Variants in MEGF6 observed in about 807,000 individuals in gnomAD.
MEGF6 encodes the protein multiple epidermal growth factor-like domains protein 6.
MEGF6 carries 184 observed loss-of-function variants against 207.1 expected under a neutral mutation model. The ratio of observed to expected loss-of-function variants is 0.89; its 90% CI spans 0.79 to 1.00. The LOEUF (loss-of-function observed/expected upper bound fraction) is 1.00, where lower values mean the gene tolerates loss of function less well. MEGF6 is among the 50% of genes least tolerant of loss of function. The probability of loss-of-function intolerance (pLI) is 0.00; values close to 1 mark genes in which losing one functional copy is unlikely to be tolerated. For synonymous variants in MEGF6, 1,038 were observed against 910.0 expected, an observed-to-expected ratio of 1.14 and a Z score of -2.53; for missense variants, 2,282 against 2,202.9, an observed-to-expected ratio of 1.04 and a Z score of -0.72.
chr1:3,501,695 G>T lies in MEGF6; in HGVS notation c.2314+101C>A, dbSNP rs1640875485. The T allele has an allele frequency of 2.1e-6, 3 of 1,452,272 alleles. No individual in the cohort carries two copies. The Admixed American group carries it at 7.7e-5, about 37-fold the overall frequency. The allele number at this position is 1,452,272 out of a possible 1,614,324, so 90.0% of individuals were successfully genotyped here. On this transcript the variant is annotated intron_variant, in intron 18 of 36. Transcript: ENST00000356575. The stretch of plus-strand genomic sequence containing the variant: ...GAGCTCTCACACCTGCTATAGACGG[G>T]CCTGGGATCCGCAGGGCTGGGGCCC...
intron 5 of MEGF6, among the ~76,000 whole-genome samples, chr1:3,517,289 C>T (rs1641577899): frequency 6.6e-6 from 1 of 152,172 alleles, no homozygotes; most frequent in Non-Finnish European, 1.5e-5. Context: ...AAGAAAGAGG[C>T]TTCTCATCAC....
At chr1:3,550,197 G>C (rs1026602411) in intron 4 of MEGF6, among the ~76,000 whole-genome samples, 11 of 152,218 alleles carry the variant, frequency 7.2e-5, no homozygotes, top group African/African-American at 2.7e-4. Flanking sequence ...AAGATAAATA[G>C]AAACAGGGAC....
chr1:3,564,134 G>T (rs1014614084), intron 4 of MEGF6, among the ~76,000 whole-genome samples: 1 of 150,984 alleles, frequency 6.6e-6, no homozygotes, highest in Middle Eastern at 3.4e-3. Flanking sequence ...ACAGACTATG[G>T]CAGGGCTTTA....
At chr1:3,618,942 T>C in the MEGF6 span, among the ~76,000 whole-genome samples, 1 of 152,208 alleles carries the variant, frequency 6.6e-6, no homozygotes, top group South Asian at 2.1e-4. This position sits in a 1 kb window ranked among gnomAD's most constrained non-coding sequence, Gnocchi z 4.7. Flanking sequence ...CACAAACCCT[T>C]GGGCTGCCCT....
rs145413449 is a variant in MEGF6 at position 3,489,150 on chromosome 1, C to T, written c.*1378G>A. On this transcript the variant is annotated 3_prime_UTR_variant, in exon 37 of 37. Coordinates refer to ENST00000356575, the MANE Select transcript of MEGF6 (RefSeq NM_001409.4). Reference sequence around the variant, plus strand: ...CTGCTTCTGCATCCCCACCATCCTGCCCTCCCTTATCACTGTTCTACTTTA... The same window carrying T: ...CTGCTTCTGCATCCCCACCATCCTGTCCTCCCTTATCACTGTTCTACTTTA... Among the ~76,000 whole-genome samples, 1 of 152,316 alleles carries T rather than the reference C, an allele frequency of 6.6e-6. No individual in the cohort carries two copies. Among genetic ancestry groups the T allele is most frequent in the African/African-American group, 2.4e-5 (1 of 41,562 alleles).
At chr1:3,559,740 G>A (rs949962770) in intron 4 of MEGF6, among the ~76,000 whole-genome samples, 7 of 152,050 alleles carry the variant, frequency 4.6e-5, no homozygotes, top group East Asian at 1.9e-4. Context: ...GGCCGGGTAC[G>A]GTGGCTCAAG....
At chr1:3,591,297 G>A (rs4648527) in intron 3 of MEGF6, among the ~76,000 whole-genome samples, 132,199 of 152,178 alleles carry the variant, frequency 0.87, 57,645 homozygotes, top group Non-Finnish European at 0.91. Context: ...GAACCACCGA[G>A]CAGGGGGTAA....
At chr1:3,542,014 G>A (rs111818395) in intron 4 of MEGF6, among the ~76,000 whole-genome samples, 1,573 of 152,320 alleles carry the variant, frequency 0.01, 11 homozygotes, top group Middle Eastern at 0.017. Context: ...GTCCGGCACC[G>A]AGAAGGAAGA....
intron 2 of MEGF6, among the ~76,000 whole-genome samples, chr1:3,596,442 C>A (rs1055617256): frequency 7.1e-6 from 1 of 141,816 alleles, no homozygotes; most frequent in African/African-American, 2.5e-5. Flanking sequence ...GGGCACCCTG[C>A]GCCATCCCCT....
chr1:3,552,610 A>G (rs1642921307), intron 4 of MEGF6, among the ~76,000 whole-genome samples: 1 of 152,208 alleles, frequency 6.6e-6, no homozygotes, highest in Non-Finnish European at 1.5e-5. Flanking sequence ...AGGAGGATCG[A>G]CGGCCTGAGC....
intron 2 of MEGF6, among the ~76,000 whole-genome samples, chr1:3,601,763 G>C (rs2101878492): frequency 6.6e-6 from 1 of 152,356 alleles, no homozygotes; most frequent in East Asian, 1.9e-4. Flanking sequence ...TGACCAGAAA[G>C]CTGCCAGAGC....
At chr1:3,511,022 C>T in intron 9 of MEGF6, 120 bp from the exon 10 acceptor site, 1 of 1,401,650 alleles carries the variant, frequency 7.1e-7, no homozygotes, top group Non-Finnish European at 9.6e-7. Context: ...CCTGCAGCTG[C>T]CCACAGCCTC....
chr1:3,498,652 A>G, intron 25 of MEGF6, 46 bp downstream of exon 25: 1 of 1,519,280 alleles, frequency 6.6e-7, no homozygotes, highest in Non-Finnish European at 8.8e-7. Flanking sequence ...GCGGGGCTGC[A>G]CCAAGCATGC....
intron 4 of MEGF6, among the ~76,000 whole-genome samples, chr1:3,534,417 C>T (rs1010116027): frequency 6.6e-6 from 1 of 152,184 alleles, no homozygotes; most frequent in Non-Finnish European, 1.5e-5. Context: ...GTGTGTGGCT[C>T]ACATTCTGTT....
Position 3,496,026 on chromosome 1 carries a change from G to T in MEGF6, c.3743-8C>A. Reference sequence around the variant, plus strand: ...AGCGGCCCTGCGGACAGGCTGCCGGGGAGGAAGTGGTGATCGTGGCTGGCT... The same window carrying T: ...AGCGGCCCTGCGGACAGGCTGCCGGTGAGGAAGTGGTGATCGTGGCTGGCT... On this transcript the variant is annotated splice_polypyrimidine_tract_variant and splice_region_variant and intron_variant, in intron 29 of 36. Transcript: ENST00000356575. 1 of 1,509,542 alleles carries T rather than the reference G, an allele frequency of 6.6e-7. No homozygotes were observed. The highest frequency in any genetic ancestry group is 2.4e-5 in the East Asian group (1 of 41,836). 93.5% of individuals were successfully genotyped at this position (1,509,542 alleles called of 1,614,324 possible).
intron 5 of MEGF6, among the ~76,000 whole-genome samples, chr1:3,517,889 T>C (rs1641605744): frequency 6.6e-6 from 1 of 152,230 alleles, no homozygotes; most frequent in African/African-American, 2.4e-5. Context: ...TTCACTTCTT[T>C]AATACTGAAG....
At chr1:3,593,430 C>A (rs1450008797) in intron 3 of MEGF6, among the ~76,000 whole-genome samples, 2 of 145,694 alleles carry the variant, frequency 1.4e-5, no homozygotes, top group African/African-American at 5.1e-5. Flanking sequence ...GGGCTCTCCA[C>A]CCCCGCCCCA....
intron 1 of MEGF6, 96 bp from the exon 2 acceptor site, chr1:3,602,696 G>A: frequency 9.4e-6 from 14 of 1,492,728 alleles, no homozygotes; most frequent in African/African-American, 1.4e-5. Flanking sequence ...AGCTCATCTG[G>A]AGTGAGGTCC....
At chr1:3,520,062 A>G (rs1454317209) in intron 5 of MEGF6, among the ~76,000 whole-genome samples, 1 of 152,236 alleles carries the variant, frequency 6.6e-6, no homozygotes, top group African/African-American at 2.4e-5. Context: ...TGGGCCGAGA[A>G]GGGGAGAAGG....
Sources: gnomAD v4.1 joint callset for allele counts (sites outside exome capture counted in the v4.1 genomes callset) on GRCh38, gnomAD v4.1.1 for gene constraint, Gnocchi (gnomAD v3.1) non-coding constraint, MANE v1.5 for transcripts, NCBI Gene and HGNC (gene_info 2026-07-23, HGNC 2026-07-21) for gene names.